Variants in FHIP1A observed in about 807,000 individuals in gnomAD.
FHIP1A encodes FHF complex subunit HOOK interacting protein 1A, also known as FHF complex subunit HOOK-interacting protein 1A.
Under a neutral mutation model 88.6 loss-of-function variants are expected in FHIP1A, and 61 were observed. The observed-to-expected ratio is 0.69, with a 90% CI of 0.56 to 0.85. The LOEUF (loss-of-function observed/expected upper bound fraction) is 0.85. FHIP1A is among the 40% of genes least tolerant of loss of function. The probability of loss-of-function intolerance (pLI) is 0.00; values close to 1 mark genes in which losing one functional copy is unlikely to be tolerated. For missense variants in FHIP1A, 1,154 were observed against 1,273.5 expected (o/e 0.91, Z 1.43); for synonymous variants, 478 against 496.0 (o/e 0.96, Z 0.48).
chr4:151,517,174 T>C (rs1731271174), intron 3 of FHIP1A, among the ~76,000 whole-genome samples: 1 of 152,006 alleles, frequency 6.6e-6, no homozygotes. Context: ...AAATTGGAAA[T>C]CATCATTCTC....
intron 3 of FHIP1A, among the ~76,000 whole-genome samples, chr4:151,537,912 C>A (rs2126722572): frequency 6.6e-6 from 1 of 152,270 alleles, no homozygotes; most frequent in African/African-American, 2.4e-5. Flanking sequence ...GCATCTGAGT[C>A]TTGGCATTCA....
At chr4:151,453,893 C>CA (rs1728881120) in intron 1 of FHIP1A, among the ~76,000 whole-genome samples, 1 of 151,826 alleles carries the variant, frequency 6.6e-6, no homozygotes, top group Non-Finnish European at 1.5e-5. Context: ...AAAACAAAAA[C>CA]AAAACAAAAC....
chr4:151,532,093 A>AG (rs1731898269), intron 3 of FHIP1A, among the ~76,000 whole-genome samples: 1 of 152,184 alleles, frequency 6.6e-6, no homozygotes. Flanking sequence ...GCAGAAGTTG[A>AG]GTAGCTACAT....
intron 3 of FHIP1A, among the ~76,000 whole-genome samples, chr4:151,485,282 GTT>G (rs74327398): frequency 0.12 from 13,699 of 118,202 alleles, 321 homozygotes; most frequent in African/African-American, 0.16. Flanking sequence ...ATCTTTTCCA[GTT>G]TTTTTTTTTT....
chr4:151,490,642 A>G (rs1730249443), intron 3 of FHIP1A, among the ~76,000 whole-genome samples: 1 of 152,208 alleles, frequency 6.6e-6, no homozygotes, highest in Admixed American at 6.5e-5. Flanking sequence ...ATCCAAACCA[A>G]GAAGAAATCT....
At chr4:151,516,391 G>T (rs563057773) in intron 3 of FHIP1A, among the ~76,000 whole-genome samples, 7 of 152,038 alleles carry the variant, frequency 4.6e-5, no homozygotes, top group African/African-American at 1.7e-4. Flanking sequence ...ATAGGCATGG[G>T]CAAGGACTTC....
intron 7 of FHIP1A, among the ~76,000 whole-genome samples, chr4:151,589,159 C>T (rs1200799168): frequency 6.6e-6 from 1 of 152,162 alleles, no homozygotes; most frequent in Admixed American, 6.6e-5. Flanking sequence ...GGATAGTCAG[C>T]CTAAAGGAAC....
Position 151,656,184 on chromosome 4 carries a change from C to T in FHIP1A, c.2552-48C>T. 5 of 1,449,954 alleles carry T rather than the reference C, an allele frequency of 3.4e-6. No individual in the cohort carries two copies. Among genetic ancestry groups the T allele is most frequent in the Non-Finnish European group, 4.7e-6 (5 of 1,058,694 alleles). 89.8% of individuals were successfully genotyped at this position (1,449,954 alleles called of 1,614,324 possible). ...TGGTTCTGCAATTGTCAGGGAAAGGCATCCCTGTGAGCCCAGCCAGCCCTG... is the reference window on the plus strand; with the variant it reads ...TGGTTCTGCAATTGTCAGGGAAAGGTATCCCTGTGAGCCCAGCCAGCCCTG... On this transcript the variant is annotated intron_variant, in intron 11 of 13. Coordinates refer to ENST00000435205, the MANE Select transcript of FHIP1A (RefSeq NM_001109977.3). The surrounding 1 kb of genome is among the most constrained non-coding windows in gnomAD (Gnocchi z 4.2).
chr4:151,415,823 C>A (rs1732870407), intron 1 of FHIP1A, among the ~76,000 whole-genome samples: 1 of 152,142 alleles, frequency 6.6e-6, no homozygotes, highest in Admixed American at 6.5e-5. Flanking sequence ...CTCATTTCCT[C>A]ACATTTCAGG....
At chr4:151,617,952 G>T (rs561106375) in intron 7 of FHIP1A, among the ~76,000 whole-genome samples, 11 of 152,286 alleles carry the variant, frequency 7.2e-5, no homozygotes, top group East Asian at 5.8e-4. Flanking sequence ...CAGAAGCCTT[G>T]CACTGAAGCA....
chr4:151,581,215 A>G (rs773588559), intron 5 of FHIP1A, among the ~76,000 whole-genome samples: 18 of 152,204 alleles, frequency 1.2e-4, no homozygotes, highest in Non-Finnish European at 4.4e-5. Flanking sequence ...TTTTGGATAC[A>G]TATGTATACA....
chr4:151,433,163 T>C (rs1157151674), intron 1 of FHIP1A, among the ~76,000 whole-genome samples: 1 of 152,040 alleles, frequency 6.6e-6, no homozygotes, highest in Non-Finnish European at 1.5e-5. Context: ...TTGACTAAAC[T>C]GACACAGTCA....
At chr4:151,564,143 A>G (rs968383502) in intron 3 of FHIP1A, among the ~76,000 whole-genome samples, 3 of 152,192 alleles carry the variant, frequency 2.0e-5, no homozygotes, top group African/African-American at 7.2e-5. Context: ...GGATCTTAGC[A>G]TATCTTTCTG....
At chr4:151,588,016 C>G (rs1293838706) in intron 6 of FHIP1A, among the ~76,000 whole-genome samples, 1 of 151,938 alleles carries the variant, frequency 6.6e-6, no homozygotes, top group Non-Finnish European at 1.5e-5. Flanking sequence ...TATTGTTTGA[C>G]TTTCTTTCTC....
chr4:151,605,324 A>G (rs768796111), intron 7 of FHIP1A, among the ~76,000 whole-genome samples: 2 of 152,190 alleles, frequency 1.3e-5, no homozygotes, highest in African/African-American at 4.8e-5. Flanking sequence ...TCTCTGGTGG[A>G]TAGAGGTAGA....
chr4:151,417,895 C>G (rs535519519), intron 1 of FHIP1A, among the ~76,000 whole-genome samples: 1 of 152,084 alleles, frequency 6.6e-6, no homozygotes, highest in South Asian at 2.1e-4. Context: ...TCTGCCAGGC[C>G]CAATGGCTCA....
intron 3 of FHIP1A, among the ~76,000 whole-genome samples, chr4:151,541,922 A>G (rs1185515186): frequency 6.6e-6 from 1 of 152,180 alleles, no homozygotes; most frequent in African/African-American, 2.4e-5. Context: ...GCAGAGTACA[A>G]TTGAGACAGC....
chr4:151,643,329 T>A (rs1578854219), intron 9 of FHIP1A, among the ~76,000 whole-genome samples: 2 of 152,218 alleles, frequency 1.3e-5, no homozygotes, highest in East Asian at 3.8e-4. Context: ...TTTTGAAAAT[T>A]GATGTATAAT....
At chr4:151,463,325 A>G (rs1390189793) in intron 2 of FHIP1A, among the ~76,000 whole-genome samples, 1 of 152,078 alleles carries the variant, frequency 6.6e-6, no homozygotes, top group East Asian at 1.9e-4. Flanking sequence ...TTGGGGAGGG[A>G]TGGTTGAAAG....
Sources: allele counts gnomAD v4.1 joint callset (sites outside exome capture counted in the v4.1 genomes callset), GRCh38; gene constraint gnomAD v4.1.1; non-coding constraint Gnocchi (gnomAD v3.1); transcripts MANE v1.5; gene names NCBI Gene and HGNC (gene_info 2026-07-23, HGNC 2026-07-21).